The following KIF7 variants were observed in gnomAD, a reference collection of about 807,000 sequenced individuals.
KIF7 encodes the protein kinesin-like protein KIF7.
A neutral mutation model predicts 135.7 loss-of-function variants in KIF7; 104 were observed. That is an observed-to-expected ratio of 0.77 (90% CI 0.65 to 0.90). KIF7 has a LOEUF of 0.90. Ranked by LOEUF, KIF7 falls within the 40% of genes least tolerant of loss-of-function variation. The pLI is 0.00. For synonymous variants in KIF7, 883 were observed against 809.4 expected (o/e 1.09, Z -1.54); for missense variants, 2,005 against 1,839.1 (o/e 1.09, Z -1.65).
In KIF7 at chr15:89,633,148, T is replaced by A. The variant is rs757037566; in HGVS notation, c.2711A>T (p.Gln904Leu). The A allele has an allele frequency of 6.2e-7, 1 of 1,603,154 alleles. No homozygotes were observed. Among genetic ancestry groups the A allele is most frequent in the Admixed American group, 1.7e-5 (1 of 59,984 alleles). ...GACACAGCCTGGCCCCACCTGCTGC[T>A]GTTCCAGGCTGACCACAGAGCCGTT... ...GSNGSVVSLE[Q>L]QQKIEEQKKW... The change falls in exon 13 of 19, where the codon CAG (glutamine) becomes CTG (leucine). Residue 904 changes from glutamine to leucine, a missense_variant. Transcript: ENST00000394412.
At chr15:89,632,262 C>A (rs1045753894) in intron 14 of KIF7, among the ~76,000 whole-genome samples, 1 of 152,188 alleles carries the variant, frequency 6.6e-6, no homozygotes, top group African/African-American at 2.4e-5. Context: ...CAATGACGGC[C>A]ATCCCCCTCC....
rs759965731 is a variant in KIF7, at chr15:89,633,878, C to T, written c.2400G>A (p.Leu800=). ...VAAAQSQVQV[L]KEKKQATERL... ...GCTCCGTAGCCTGCTTCTTCTCCTT[C>T]AGCACCTGGGACCCACACAGTCTTC... Residue 800 remains leucine, a synonymous_variant, in exon 12 of 19, where the codon CTG becomes CTA. Transcript: ENST00000394412. The T allele has an allele frequency of 6.2e-7, 1 of 1,613,772 alleles. No individual in the cohort carries two copies. Among genetic ancestry groups the T allele is most frequent in the South Asian group, 1.1e-5 (1 of 91,084 alleles).
chr15:89,643,683 G>C (rs1489665173), intron 10 of KIF7, among the ~76,000 whole-genome samples: 2 of 152,148 alleles, frequency 1.3e-5, no homozygotes, highest in African/African-American at 4.8e-5. Flanking sequence ...TCAAGAGATC[G>C]AGACCATCCT....
chr15:89,624,962 CAG>C, downstream of KIF7: 1 of 1,614,142 alleles, frequency 6.2e-7, no homozygotes, highest in Non-Finnish European at 8.5e-7. Flanking sequence ...TGGCATTCCA[CAG>C]ACTCTGCCAG....
rs1964067047 is a variant in KIF7, at chr15:89,648,726, G to A, written c.972C>T (p.Ala324=). Residue 324 remains alanine (A), a synonymous_variant, in exon 5 of 19, where the codon GCC becomes GCT. Coordinates refer to ENST00000394412, the MANE Select transcript of KIF7 (RefSeq NM_198525.3). ...LGGNAKTVMI[A]CVSPSSSDFD... ...AGTCGGAGGAGGAAGGGCTGACGCA[G>A]GCGATCATCACCGTCTTGGCGTTCC... 2 of 1,536,308 alleles carry A rather than the reference G, an allele frequency of 1.3e-6. No homozygotes were observed. Among genetic ancestry groups the A allele is most frequent in the Non-Finnish European group, 1.7e-6 (2 of 1,146,488 alleles).
intron 11 of KIF7, among the ~76,000 whole-genome samples, chr15:89,640,842 GA>G (rs1198304373): frequency 4.1e-4 from 55 of 132,832 alleles, no homozygotes; most frequent in African/African-American, 1.5e-3. Context: ...AAAAAAAAAA[GA>G]AAAAAATTAG....
chr15:89,640,853 G>A (rs1206572022), intron 11 of KIF7, among the ~76,000 whole-genome samples: 2 of 150,150 alleles, frequency 1.3e-5, no homozygotes, highest in African/African-American at 4.9e-5. Flanking sequence ...AAAAAAATTA[G>A]CCAGGTGTGG....
rs373963109 is a variant in KIF7, at chr15:89,619,710, A to G, written c.181-1515T>C. On this transcript the variant is annotated intron_variant and NMD_transcript_variant, in intron 1 of 2. Coordinates refer to the KIF7 transcript ENST00000558928. The stretch of plus-strand genomic sequence containing the variant: ...TTACTGTGGTTCTGATTTTACAGAA[A>G]TAAGTCTGAGACGAAGTCCTCGAAT... 41 of 1,607,280 alleles carry G rather than the reference A, an allele frequency of 2.6e-5. No homozygotes were observed. The African/African-American group carries it at 3.5e-4, about 14-fold the overall frequency.
At chr15:89,638,717 GC>G (rs1963861092) in intron 11 of KIF7, among the ~76,000 whole-genome samples, 1 of 151,286 alleles carries the variant, frequency 6.6e-6, no homozygotes, top group African/African-American at 2.4e-5. Flanking sequence ...TGGCCATACT[GC>G]CCAAGGTAAT....
intron 10 of KIF7, among the ~76,000 whole-genome samples, chr15:89,642,814 C>T (rs2142018038): frequency 6.6e-6 from 1 of 152,306 alleles, no homozygotes; most frequent in East Asian, 1.9e-4. Context: ...GGTGATCCAC[C>T]CACCTTGGCC....
Position 89,619,221 on chromosome 15 carries a change from C to CTTTTTTTTTTTT in KIF7, c.181-1038_181-1027dup, listed in dbSNP as rs386383750. Reference sequence around the variant, plus strand: ...CTTGTTTTCGCCCTACACCATTCTTCTTTTTTTTTTTTTTTTTTTGGTGAG... The same window carrying CTTTTTTTTTTTT: ...CTTGTTTTCGCCCTACACCATTCTTCTTTTTTTTTTTTTTTTTTTTTTTTTTTTTTTGGTGAG... On this transcript the variant is annotated intron_variant and NMD_transcript_variant, in intron 1 of 2. Transcript: ENST00000558928. Among the ~76,000 whole-genome samples the CTTTTTTTTTTTT allele has an allele frequency of 1.3e-4, 14 of 111,994 alleles. 1 individual carries two copies. Among genetic ancestry groups the CTTTTTTTTTTTT allele is most frequent in the African/African-American group, 2.1e-4 (6 of 28,442 alleles). 73.5% of individuals were successfully genotyped at this position (111,994 alleles called of 152,430 possible). A position where few individuals can be genotyped will look rare whatever the true frequency, so the allele number is the denominator to read the frequency against.
At chr15:89,627,340 G>A (rs528966857), downstream of KIF7, 2 of 436,960 alleles carry the variant, frequency 4.6e-6, no homozygotes, top group East Asian at 3.7e-5. Context: ...TGGGAGTCAG[G>A]AACCCAGACA....
In KIF7 at chr15:89,652,779, C is replaced by T. The variant is rs555261308; in HGVS notation, c.152G>A (p.Arg51His). Residue 51 changes from arginine (R) to histidine (H), a missense_variant, in exon 2 of 19, where the codon CGT becomes CAT. Transcript: ENST00000394412. ...EPGLGRVTLG[R>H]DRHFGFHVVL... is the part of the protein sequence containing the mutation. ...CACGTGGAAGCCAAAGTGTCGGTCA[C>T]GGCCCAGAGTGACGCGGCCAAGCCC... 4.4e-5 allele frequency: 69 copies of T among 1,551,532 alleles called. No individual in the cohort carries two copies. In the East Asian group the frequency reaches 1.3e-3, roughly 30 times the overall value.
chr15:89,647,941 A>G (rs1964045581), intron 5 of KIF7, among the ~76,000 whole-genome samples: 1 of 152,220 alleles, frequency 6.6e-6, no homozygotes. Context: ...TATTAATAAT[A>G]TCACCACTAT....
At position 89,633,229 on chromosome 15, in the gene KIF7, A is replaced by G; in HGVS notation, c.2630T>C (p.Leu877Pro). 1.3e-6 allele frequency: 2 copies of G among 1,588,726 alleles called. No individual in the cohort carries two copies. ...ELKHEQQQKI[L>P]KIKTEEIAAF... ...CGCGATCTCTTCCGTCTTAATCTTC[A>G]GGATCTTCTGCTGTTGCTCATGCTT... The change falls in exon 13 of 19, where the codon CTG becomes CCG. Residue 877 changes from leucine to proline, a missense_variant. Physicochemically the swap from Leu to Pro is moderately conservative, Grantham distance 98. Transcript: ENST00000394412.
intron 6 of KIF7, 22 bp from the exon 7 acceptor site, chr15:89,647,079 C>A (rs1311516631): frequency 6.4e-7 from 1 of 1,555,186 alleles, no homozygotes; most frequent in South Asian, 1.2e-5. Flanking sequence ...GGTCCAGGTG[C>A]CAAGGGGGCA....
At position 89,629,553 on chromosome 15, in the gene KIF7, C is replaced by G. The variant is rs1963625659; in HGVS notation, c.3339G>C (p.Glu1113Asp). ...AGAAGGCAATCTGCTGCTGGTGCTGCTCCTCTCGGAGCGTCACCACCTGTC... is the reference window on the plus strand; with the variant it reads ...AGAAGGCAATCTGCTGCTGGTGCTGGTCCTCTCGGAGCGTCACCACCTGTC... ...YFDKVVTLRE[E>D]QHQQQIAFSE... The change falls in exon 17 of 19, where the codon GAG becomes GAC. Residue 1113 changes from glutamate to aspartate, a missense_variant. Physicochemically the swap from Glu to Asp is conservative, Grantham distance 45 (BLOSUM62 2). Transcript: ENST00000394412. The G allele has an allele frequency of 6.2e-7, 1 of 1,607,808 alleles. No individual in the cohort carries two copies. Among genetic ancestry groups the G allele is most frequent in the African/African-American group, 1.3e-5 (1 of 74,930 alleles).
intron 15 of KIF7, chr15:89,630,856 T>A (rs1399812872): frequency 7.7e-6 from 3 of 390,202 alleles, no homozygotes; most frequent in Non-Finnish European, 1.5e-5. Flanking sequence ...AAATGCATCA[T>A]TAGGCGTTTT....
At chr15:89,656,304 C>T (rs962730476), upstream of KIF7, among the ~76,000 whole-genome samples, 3 of 151,824 alleles carry the variant, frequency 2.0e-5, no homozygotes, top group African/African-American at 7.3e-5. Flanking sequence ...GGGATGAGGG[C>T]TCCTGGGCAG....
Sources: gnomAD v4.1 joint callset for allele counts (sites outside exome capture counted in the v4.1 genomes callset) on GRCh38, gnomAD v4.1.1 for gene constraint, MANE v1.5 for transcripts, NCBI Gene and HGNC (gene_info 2026-07-23, HGNC 2026-07-21) for gene names.